The following COL9A3 variants were observed in gnomAD, a reference collection of about 807,000 sequenced individuals.
The protein encoded by COL9A3 is collagen alpha-3(IX) chain.
A neutral mutation model predicts 110.2 loss-of-function variants in COL9A3; 82 were observed. The observed-to-expected ratio is 0.74, with a 90% CI of 0.62 to 0.89. The LOEUF (loss-of-function observed/expected upper bound fraction) is 0.89. Among genes scored for constraint, COL9A3 ranks in the 40% least tolerant of loss-of-function variants. COL9A3 has a pLI of 0.00. For synonymous variants in COL9A3, 494 were observed against 403.8 expected, an observed-to-expected ratio of 1.22 and a Z score of -2.68; for missense variants, 1,066 against 981.3, an observed-to-expected ratio of 1.09 and a Z score of -1.15.
rs1413132586 is a variant in COL9A3, at chr20:62,830,381, C to T, written c.1183C>T (p.Pro395Ser). Residue 395 changes from proline to serine, a missense_variant, in exon 23 of 32, where the codon CCT (proline) becomes TCT (serine). By Grantham distance (74) the Pro-to-Ser change is moderately conservative. Transcript: ENST00000649368. ...CCAGGGGGCCCTCGGCCCACAAGGC[C>T]CTCCCGGAGCCCCTGGTGTCCGAGG... ...GSAGALGPQG[P>S]PGAPGVRGFQ... 1 of 1,573,206 alleles carries T rather than the reference C, an allele frequency of 6.4e-7. No homozygotes were observed.
chr20:62,835,113 T>G (rs957298937), intron 26 of COL9A3, among the ~76,000 whole-genome samples: 1 of 152,156 alleles, frequency 6.6e-6, no homozygotes, highest in Non-Finnish European at 1.5e-5. Flanking sequence ...CCCCCTACCC[T>G]CCTGGCCTCC....
intron 8 of COL9A3, 46 bp downstream of exon 8, chr20:62,821,856 CT>C: frequency 8.8e-7 from 1 of 1,139,506 alleles, no homozygotes; most frequent in Non-Finnish European, 1.3e-6. Context: ...CACCTGTGGC[CT>C]CCACCCCCAG....
Position 62,830,638 on chromosome 20 carries a change from T to G in COL9A3, c.1287+50T>G. ...CTCCCCTGCACCCCCTCTACCCATGTACCACAGTCCCCCACCCCCATGACA... is the reference window on the plus strand; with the variant it reads ...CTCCCCTGCACCCCCTCTACCCATGGACCACAGTCCCCCACCCCCATGACA... On this transcript the variant is annotated intron_variant, in intron 24 of 31. Transcript: ENST00000649368. 53 of 1,035,584 alleles carry G rather than the reference T, an allele frequency of 5.1e-5. 1 individual carries two copies. Among genetic ancestry groups the G allele is most frequent in the East Asian group, 2.9e-4 (7 of 24,328 alleles). The allele number at this position is 1,035,584 out of a possible 1,614,324, so 64.1% of individuals were successfully genotyped here.
At chr20:62,833,208 C>T in intron 26 of COL9A3, 144 bp downstream of exon 26, 1 of 733,242 alleles carries the variant, frequency 1.4e-6, no homozygotes, top group Non-Finnish European at 2.4e-6. Flanking sequence ...GGGGATGGAG[C>T]AGGGTCGGGC....
At chr20:62,826,648 C>T in intron 14 of COL9A3, 119 bp from the exon 15 acceptor site, 1 of 1,097,436 alleles carries the variant, frequency 9.1e-7, no homozygotes, top group Non-Finnish European at 1.4e-6. Context: ...CTTGGGGGAA[C>T]TTGCTGGGGA....
At chr20:62,825,441 T>C (rs1035489623) in intron 12 of COL9A3, 3 of 359,364 alleles carry the variant, frequency 8.3e-6, no homozygotes, top group East Asian at 6.4e-5. Flanking sequence ...CCGTGGAGGG[T>C]GTCTGTCCAT....
Position 62,827,968 on chromosome 20 carries a change from G to A in COL9A3, c.892G>A (p.Gly298Arg), listed in dbSNP as rs372076369. Reference sequence around the variant, plus strand: ...AACCCCCGGAGTGGCCGGGCCAAGCGGAGAGCCGGTGAGTGCACGTGGCTG... The same window carrying A: ...AACCCCCGGAGTGGCCGGGCCAAGCAGAGAGCCGGTGAGTGCACGTGGCTG... Reference protein sequence around the residue: ...KGTPGVAGPSGEPGMPGKDGQ... With the variant: ...KGTPGVAGPSREPGMPGKDGQ... Residue 298 changes from glycine (G) to arginine (R), a missense_variant, in exon 17 of 32, where the codon GGA becomes AGA. Transcript: ENST00000649368. The A allele has an allele frequency of 1.6e-5, 26 of 1,612,806 alleles. No individual in the cohort carries two copies. Among genetic ancestry groups the A allele is most frequent in the African/African-American group, 1.2e-4 (9 of 74,914 alleles).
Position 62,840,858 on chromosome 20 carries a change from G to A in COL9A3, c.*126G>A, listed in dbSNP as rs906951880. The A allele has an allele frequency of 6.2e-5, 69 of 1,113,550 alleles. No homozygotes were observed. Among genetic ancestry groups the A allele is most frequent in the Admixed American group, 4.5e-4 (22 of 48,750 alleles). 69.0% of individuals were successfully genotyped at this position (1,113,550 alleles called of 1,614,324 possible). ...CGCCCCTGGCTGCCCCTCGGCCGCC[G>A]ACTGGACGCGCGGGCCTTGCCAGCG... On this transcript the variant is annotated 3_prime_UTR_variant, in exon 32 of 32. Transcript: ENST00000649368.
chr20:62,824,774 A>G (rs2063537267), intron 11 of COL9A3, among the ~76,000 whole-genome samples, 194 bp from the exon 12 acceptor site: 1 of 152,196 alleles, frequency 6.6e-6, no homozygotes, highest in African/African-American at 2.4e-5. Flanking sequence ...CCCGCTCCTG[A>G]CCGCAGAGCG....
intron 24 of COL9A3, 80 bp from the exon 25 acceptor site, chr20:62,832,074 T>G: frequency 7.2e-7 from 1 of 1,385,732 alleles, no homozygotes. Context: ...GGGAGGTGTT[T>G]ACCATTCCTG....
At chr20:62,817,876 G>T in intron 2 of COL9A3, 1 of 650,866 alleles carries the variant, frequency 1.5e-6, no homozygotes. Context: ...TGAGGTGTGT[G>T]TCTCTGGGTC....
At chr20:62,829,030 A>T (rs2063575671) in intron 19 of COL9A3, 54 bp downstream of exon 19, 1 of 1,545,298 alleles carries the variant, frequency 6.5e-7, no homozygotes, top group African/African-American at 1.4e-5. Flanking sequence ...CTGCCTGCTC[A>T]GTGGCCCATG....
At chr20:62,834,890 T>C (rs2063623565) in intron 26 of COL9A3, among the ~76,000 whole-genome samples, 3 of 152,000 alleles carry the variant, frequency 2.0e-5, no homozygotes, top group Admixed American at 2.0e-4. Flanking sequence ...CCGCTCGCCT[T>C]GGCCTCCCAA....
At position 62,835,938 on chromosome 20, in the gene COL9A3, C is replaced by G; in HGVS notation, c.1386C>G (p.Val462=). 1 of 1,614,174 alleles carries G rather than the reference C, an allele frequency of 6.2e-7. No homozygotes were observed. The change falls in exon 27 of 32, where the codon GTC becomes GTG. Residue 462 remains valine, a synonymous_variant. Coordinates refer to ENST00000649368, the MANE Select transcript of COL9A3 (RefSeq NM_001853.4). ...DKGELGPSGL[V]GPKGESGSRG... The stretch of plus-strand genomic sequence containing the variant: ...CTTCACAGGGTCCCAGCGGCCTGGT[C>G]GGACCCAAAGGAGAGGTGAGTGCCC...
rs769613660 is a variant in COL9A3, at chr20:62,840,851, G to A, written c.*119G>A. 6.2e-5 allele frequency: 77 copies of A among 1,234,396 alleles called. No individual in the cohort carries two copies. The highest frequency in any genetic ancestry group is 2.0e-4 in the African/African-American group (13 of 66,318). The allele number at this position is 1,234,396 out of a possible 1,614,324, so 76.5% of individuals were successfully genotyped here. Reference sequence around the variant, plus strand: ...GAGGGAGCGCCCCTGGCTGCCCCTCGGCCGCCGACTGGACGCGCGGGCCTT... The same window carrying A: ...GAGGGAGCGCCCCTGGCTGCCCCTCAGCCGCCGACTGGACGCGCGGGCCTT... On this transcript the variant is annotated 3_prime_UTR_variant, in exon 32 of 32. Transcript: ENST00000649368.
At chr20:62,840,460 G>T (rs530778338) in intron 31 of COL9A3, 82 bp from the exon 32 acceptor site, 1 of 1,301,888 alleles carries the variant, frequency 7.7e-7, no homozygotes, top group South Asian at 1.2e-5. Flanking sequence ...TGGAAGAGCA[G>T]GGCTTGCCCA....
chr20:62,839,556 C>T (rs2063658573), intron 31 of COL9A3, among the ~76,000 whole-genome samples: 2 of 149,636 alleles, frequency 1.3e-5, no homozygotes, highest in Admixed American at 6.6e-5. Flanking sequence ...GAACAGTCTT[C>T]GAGAAGGCAC....
chr20:62,827,895 CT>C, intron 16 of COL9A3, 27 bp from the exon 17 acceptor site: 2 of 1,612,204 alleles, frequency 1.2e-6, no homozygotes, highest in South Asian at 2.2e-5. Context: ...GAGACTGCCA[CT>C]GCTTCTGTCA....
chr20:62,818,775 T>C lies in COL9A3; in HGVS notation c.183+222T>C, dbSNP rs544932957. Among the ~76,000 whole-genome samples the C allele has an allele frequency of 3.9e-5, 6 of 152,304 alleles. No individual in the cohort carries two copies. In the East Asian group the frequency reaches 1.2e-3, roughly 29 times the overall value. ...AGGGCAGGGCCTGGCTTTGAAGCTT[T>C]CTTTGGACCAGCGCCAGGCAGGCCG... On this transcript the variant is annotated intron_variant, in intron 3 of 31. Transcript: ENST00000649368.
Sources: gnomAD v4.1 joint callset for allele counts (sites outside exome capture counted in the v4.1 genomes callset) on GRCh38, gnomAD v4.1.1 for gene constraint, MANE v1.5 for transcripts, NCBI Gene and HGNC (gene_info 2026-07-23, HGNC 2026-07-21) for gene names.